The following INSR variants were observed in gnomAD, a reference collection of about 807,000 sequenced individuals.
INSR encodes the protein IR.
INSR carries 67 observed loss-of-function variants against 142.6 expected under a neutral mutation model. The observed-to-expected ratio is 0.47, with a 90% CI of 0.39 to 0.58. The LOEUF is 0.58. Ranked by LOEUF, INSR falls within the 20% of genes least tolerant of loss-of-function variation. The pLI, the probability that INSR is intolerant of heterozygous loss-of-function variation, is 0.00. For missense variants in INSR, 1,248 were observed against 1,833.2 expected, an observed-to-expected ratio of 0.68 and a Z score of 5.83; for synonymous variants, 756 against 743.1, an observed-to-expected ratio of 1.02 and a Z score of -0.28.
In INSR at chr19:7,115,356, A is replaced by T. The variant is rs1972298427; in HGVS notation, c.*1700T>A. 1 of 152,126 alleles carries T rather than the reference A, an allele frequency of 6.6e-6. No homozygotes were observed. The highest frequency in any genetic ancestry group is 1.5e-5 in the Non-Finnish European group (1 of 68,016). 9.4% of individuals were successfully genotyped at this position (152,126 alleles called of 1,614,324 possible). A position where few individuals can be genotyped will look rare whatever the true frequency, so the allele number is the denominator to read the frequency against. On this transcript the variant is annotated 3_prime_UTR_variant, in exon 22 of 22. Transcript: ENST00000302850. Reference sequence around the variant, plus strand: ...ATTCGGAAGTTCTTGGTGGTGTGTAAGGTCTTTTTCACGGTTTCTCCTCCA... The same window carrying T: ...ATTCGGAAGTTCTTGGTGGTGTGTATGGTCTTTTTCACGGTTTCTCCTCCA...
At chr19:7,180,347 T>C (rs144726608) in intron 3 of INSR, among the ~76,000 whole-genome samples, 2 of 151,846 alleles carry the variant, frequency 1.3e-5, no homozygotes, top group African/African-American at 4.8e-5. Flanking sequence ...CTGGGGAATA[T>C]AGCAAGACCC....
At chr19:7,271,715 T>C (rs1358870781) in intron 1 of INSR, among the ~76,000 whole-genome samples, 1 of 152,168 alleles carries the variant, frequency 6.6e-6, no homozygotes, top group Non-Finnish European at 1.5e-5. Context: ...GCAGCATTAT[T>C]CATAATAGCT....
At chr19:7,170,515 A>T in intron 6 of INSR, 22 bp downstream of exon 6, 1 of 1,586,636 alleles carries the variant, frequency 6.3e-7, no homozygotes, top group Non-Finnish European at 8.6e-7. Context: ...CATGCCAAAA[A>T]GGTTGGGGAC....
In INSR at chr19:7,119,657, C is replaced by A; in HGVS notation, c.3660-74G>T. Reference sequence around the variant, plus strand: ...ACACACACGCGCGCGCGCAAACACACACACGCAAACGCACACACACACGCA... The same window carrying A: ...ACACACACGCGCGCGCGCAAACACAAACACGCAAACGCACACACACACGCA... On this transcript the variant is annotated intron_variant, in intron 20 of 21. Transcript: ENST00000302850. The surrounding 1 kb of genome is among the most constrained non-coding windows in gnomAD (Gnocchi z 5.2). The A allele has an allele frequency of 6.5e-7, 1 of 1,539,828 alleles. No homozygotes were observed. Among genetic ancestry groups the A allele is most frequent in the African/African-American group, 1.4e-5 (1 of 73,704 alleles).
chr19:7,207,309 C>T (rs531490051), intron 2 of INSR, among the ~76,000 whole-genome samples: 4 of 152,012 alleles, frequency 2.6e-5, no homozygotes, highest in East Asian at 1.9e-4. Context: ...CCCAGCTGCT[C>T]GGGAGGCTGA....
intron 2 of INSR, among the ~76,000 whole-genome samples, chr19:7,246,912 A>AG (rs1568215498): frequency 4.5e-4 from 56 of 125,450 alleles, no homozygotes; most frequent in African/African-American, 2.4e-3. Flanking sequence ...TACAAGCTCC[A>AG]TGAATGAACT....
chr19:7,160,718 C>G (rs1054627651), intron 9 of INSR, among the ~76,000 whole-genome samples: 1 of 151,768 alleles, frequency 6.6e-6, no homozygotes. Flanking sequence ...TAATTTTAGG[C>G]TGGGCGCGGT....
chr19:7,206,316 C>T (rs977584100), intron 2 of INSR, among the ~76,000 whole-genome samples: 5 of 152,114 alleles, frequency 3.3e-5, no homozygotes, highest in Admixed American at 3.3e-4. Context: ...TACAGGCACA[C>T]ACTTGTGATC....
intron 2 of INSR, among the ~76,000 whole-genome samples, chr19:7,266,890 A>G (rs116861241): frequency 0.011 from 1,646 of 152,290 alleles, 9 homozygotes; most frequent in Middle Eastern, 0.02. Context: ...CACTTCTATA[A>G]TCAGATAAGA....
At chr19:7,229,022 GATGGATGGATGAATGGATGAGTGGATGT>G (rs1485213896) in intron 2 of INSR, among the ~76,000 whole-genome samples, 49 of 151,084 alleles carry the variant, frequency 3.2e-4, no homozygotes, top group Non-Finnish European at 5.8e-4. Context: ...TGGGTGGGTG[GATGGATGGATGAATGGATGAGTGGATGT>G]ATGGATGGAT....
At chr19:7,278,080 T>C (rs1052743849) in intron 1 of INSR, among the ~76,000 whole-genome samples, 6 of 151,492 alleles carry the variant, frequency 4.0e-5, no homozygotes, top group Non-Finnish European at 8.8e-5. Flanking sequence ...GGTGACAGAG[T>C]GAGACTCGGT....
intron 1 of INSR, among the ~76,000 whole-genome samples, chr19:7,277,164 T>C (rs111475107): frequency 5.9e-5 from 9 of 152,202 alleles, no homozygotes; most frequent in Non-Finnish European, 1.0e-4. Context: ...ATTTATTACC[T>C]CCAGAAATTA....
At chr19:7,266,677 G>A (rs1413775457) in intron 2 of INSR, among the ~76,000 whole-genome samples, 1 of 152,134 alleles carries the variant, frequency 6.6e-6, no homozygotes, top group East Asian at 1.9e-4. Context: ...GAGCCACCGT[G>A]CCCGGCCTGG....
At position 7,159,727 on chromosome 19, in the gene INSR, T is replaced by C. The variant is rs1973702037; in HGVS notation, c.2029+3305A>G. The C allele has an allele frequency of 6.6e-6, 1 of 152,130 alleles. No homozygotes were observed. The highest frequency in any genetic ancestry group is 2.1e-4 in the South Asian group (1 of 4,826). 9.4% of individuals were successfully genotyped at this position (152,130 alleles called of 1,614,324 possible). A position where few individuals can be genotyped will look rare whatever the true frequency, so the allele number is the denominator to read the frequency against. ...GCGGGGATGATGTCACACACATACA[T>C]ATAGCATATGAGCTTAGAGCTGGGA... On this transcript the variant is annotated intron_variant, in intron 9 of 21. Coordinates refer to ENST00000302850, the MANE Select transcript of INSR (RefSeq NM_000208.4). The surrounding 1 kb of genome is among the most constrained non-coding windows in gnomAD (Gnocchi z 4.3).
chr19:7,180,503 C>T (rs1974245490), intron 3 of INSR, among the ~76,000 whole-genome samples: 1 of 135,030 alleles, frequency 7.4e-6, no homozygotes, highest in Non-Finnish European at 1.5e-5. Context: ...GCACTCTAGC[C>T]TGGGTGACAG....
chr19:7,122,853 C>T, intron 18 of INSR, 26 bp downstream of exon 18: 8 of 1,610,132 alleles, frequency 5.0e-6, no homozygotes, highest in Non-Finnish European at 6.8e-6. Flanking sequence ...ACCGAGTACC[C>T]CGCTGGGTCC....
chr19:7,158,465 A>C lies in INSR; in HGVS notation c.2029+4567T>G, dbSNP rs143862065. On this transcript the variant is annotated intron_variant, in intron 9 of 21. Coordinates refer to ENST00000302850, the MANE Select transcript of INSR (RefSeq NM_000208.4). ...GCAGTGAGCCGAGATCACGCCACTG[A>C]ACTCCAGCCTGGGTGACAGAGCGAG... Among the ~76,000 whole-genome samples the C allele has an allele frequency of 6.3e-3, 961 of 152,194 alleles. 3 individuals carry two copies. The highest frequency in any genetic ancestry group is 8.7e-3 in the Non-Finnish European group (593 of 67,998).
intron 2 of INSR, among the ~76,000 whole-genome samples, chr19:7,265,142 A>G (rs1302347455): frequency 6.6e-6 from 1 of 152,232 alleles, no homozygotes; most frequent in Non-Finnish European, 1.5e-5. Context: ...AAAGAAGTCC[A>G]TGAAACAACA....
In INSR at chr19:7,225,974, A is replaced by G. The variant is rs1350994851; in HGVS notation, c.653-41337T>C. Among the ~76,000 whole-genome samples the G allele has an allele frequency of 6.6e-6, 1 of 152,096 alleles. No homozygotes were observed. The highest frequency in any genetic ancestry group is 1.5e-5 in the Non-Finnish European group (1 of 68,030). On this transcript the variant is annotated intron_variant, in intron 2 of 21. Coordinates refer to ENST00000302850, the MANE Select transcript of INSR (RefSeq NM_000208.4). This position sits in a 1 kb window ranked among gnomAD's most constrained non-coding sequence, Gnocchi z 4.7. The stretch of plus-strand genomic sequence containing the variant: ...GTATCCGCAGGCCCCAGGTGGAGAA[A>G]CCCCGTCCCGGAATGAGAAGCCCCT...
Sources: allele counts gnomAD v4.1 joint callset (sites outside exome capture counted in the v4.1 genomes callset), GRCh38; gene constraint gnomAD v4.1.1; non-coding constraint Gnocchi (gnomAD v3.1); transcripts MANE v1.5; gene names NCBI Gene and HGNC (gene_info 2026-07-23, HGNC 2026-07-21).